Variants in PTPRD observed in about 807,000 individuals in gnomAD.
PTPRD encodes receptor-type tyrosine-protein phosphatase delta.
In PTPRD, 34 loss-of-function variants were observed where a neutral mutation model predicts 214.5. The observed-to-expected ratio is 0.16, with a 90% confidence interval of 0.12 to 0.21. PTPRD has a LOEUF of 0.21. PTPRD is among the 10% of genes least tolerant of loss of function. PTPRD has a pLI of 1.00. For missense variants in PTPRD, 2,545 were observed against 2,398.7 expected (o/e 1.06, Z -1.27); for synonymous variants, 1,128 against 845.7 (o/e 1.33, Z -5.79).
chr9:8,637,948 T>A (rs747625966), intron 12 of PTPRD, among the ~76,000 whole-genome samples: 1 of 152,108 alleles, frequency 6.6e-6, no homozygotes, highest in South Asian at 2.1e-4. Flanking sequence ...CACACAAAGA[T>A]TGAACAAAGT....
intron 11 of PTPRD, among the ~76,000 whole-genome samples, chr9:9,004,807 C>T (rs547780024): frequency 2.0e-5 from 3 of 152,104 alleles, no homozygotes; most frequent in East Asian, 3.9e-4. Flanking sequence ...AGTAAGTGTA[C>T]AGCACTGAGC....
At chr9:9,278,853 C>T (rs946571460) in intron 9 of PTPRD, among the ~76,000 whole-genome samples, 1 of 151,276 alleles carries the variant, frequency 6.6e-6, no homozygotes, top group Non-Finnish European at 1.5e-5. Flanking sequence ...CACTATTCAT[C>T]TACACATACA....
intron 10 of PTPRD, among the ~76,000 whole-genome samples, chr9:9,142,232 T>G (rs887379485): frequency 6.6e-6 from 1 of 152,204 alleles, no homozygotes; most frequent in African/African-American, 2.4e-5. Context: ...GCAGGTGTGC[T>G]GGCGCCATCT....
At chr9:9,729,734 T>G (rs2154440686) in intron 7 of PTPRD, among the ~76,000 whole-genome samples, 1 of 151,984 alleles carries the variant, frequency 6.6e-6, no homozygotes, top group South Asian at 2.1e-4. Context: ...ACCCAATCCC[T>G]ATCAAATGGT....
At chr9:8,750,999 A>G (rs950378367) in intron 11 of PTPRD, among the ~76,000 whole-genome samples, 10 of 152,170 alleles carry the variant, frequency 6.6e-5, no homozygotes, top group Non-Finnish European at 1.2e-4. Flanking sequence ...ACTTGGACAT[A>G]GCCATTAAGC....
intron 4 of PTPRD, among the ~76,000 whole-genome samples, chr9:9,947,356 ATATATAT>A (rs2092746116): frequency 2.1e-5 from 1 of 46,572 alleles, no homozygotes; most frequent in African/African-American, 1.4e-4. Context: ...AATATATATT[ATATATAT>A]TATATATATA....
At chr9:8,545,510 G>C (rs766347045) in intron 14 of PTPRD, among the ~76,000 whole-genome samples, 18 of 152,248 alleles carry the variant, frequency 1.2e-4, no homozygotes, top group East Asian at 3.9e-4. Flanking sequence ...TTGATAAAAC[G>C]TATAACATTT....
chr9:8,578,444 C>G (rs184003025), intron 14 of PTPRD, among the ~76,000 whole-genome samples: 1 of 152,088 alleles, frequency 6.6e-6, no homozygotes, highest in Non-Finnish European at 1.5e-5. Context: ...ATATTAAAAG[C>G]TGTAATACTA....
chr9:8,769,667 T>A (rs1360937060), intron 11 of PTPRD, among the ~76,000 whole-genome samples: 1 of 152,182 alleles, frequency 6.6e-6, no homozygotes, highest in Non-Finnish European at 1.5e-5. Flanking sequence ...ATGGTTCTAC[T>A]GTGAGAATAT....
chr9:8,474,140 G>C (rs2135188829), intron 30 of PTPRD, among the ~76,000 whole-genome samples: 1 of 152,068 alleles, frequency 6.6e-6, no homozygotes, highest in African/African-American at 2.4e-5. Flanking sequence ...TTCTTTCCTG[G>C]CTTCCCATCG....
intron 3 of PTPRD, among the ~76,000 whole-genome samples, chr9:10,082,706 C>T (rs1478356652): frequency 6.6e-6 from 1 of 151,502 alleles, no homozygotes; most frequent in African/African-American, 2.4e-5. Context: ...AGCTGACAAA[C>T]TAAATATGTT....
intron 3 of PTPRD, among the ~76,000 whole-genome samples, chr9:10,231,004 T>C (rs1190358266): frequency 2.0e-5 from 3 of 151,922 alleles, no homozygotes; most frequent in Non-Finnish European, 4.4e-5. Flanking sequence ...GAGGAGGACT[T>C]GGGGCTGCTA....
At chr9:9,910,104 C>T (rs537668745) in intron 5 of PTPRD, among the ~76,000 whole-genome samples, 1 of 151,894 alleles carries the variant, frequency 6.6e-6, no homozygotes, top group African/African-American at 2.4e-5. Context: ...CAAGTTTGTA[C>T]CTCAGCTTTC....
At position 9,825,497 on chromosome 9, in the gene PTPRD, G is replaced by T. The variant is rs181808922; in HGVS notation, c.-367-58646C>A. ...CGAGAGACAGAGAGAAAGACAGACA[G>T]AAACAGACAGGTAGGCAGTCAGTGC... On this transcript the variant is annotated intron_variant, in intron 5 of 45. Transcript: ENST00000381196. Among the ~76,000 whole-genome samples the T allele has an allele frequency of 1.5e-4, 23 of 151,948 alleles. No homozygotes were observed. In the East Asian group the frequency reaches 4.3e-3, roughly 28 times the overall value.
intron 11 of PTPRD, among the ~76,000 whole-genome samples, chr9:8,872,924 C>A (rs953439710): frequency 6.6e-6 from 1 of 152,170 alleles, no homozygotes. Context: ...AGAAAGCCCT[C>A]AAATATGAGT....
intron 2 of PTPRD, among the ~76,000 whole-genome samples, chr9:10,506,903 T>C (rs1275581191): frequency 6.6e-6 from 1 of 152,088 alleles, no homozygotes; most frequent in Non-Finnish European, 1.5e-5. Flanking sequence ...GTGCATTAAA[T>C]TGGGGGCATA....
intron 12 of PTPRD, among the ~76,000 whole-genome samples, chr9:8,686,761 C>G (rs963933572): frequency 6.6e-6 from 1 of 152,152 alleles, no homozygotes; most frequent in African/African-American, 2.4e-5. Flanking sequence ...CCATGAGTCA[C>G]TGAAACTACA....
intron 4 of PTPRD, among the ~76,000 whole-genome samples, chr9:10,007,483 C>T (rs1288769053): frequency 6.6e-6 from 1 of 151,858 alleles, no homozygotes; most frequent in Non-Finnish European, 1.5e-5. Flanking sequence ...TCCTTGGGGG[C>T]CAGTTAAATA....
At chr9:10,605,858 G>A (rs1387067465) in intron 2 of PTPRD, among the ~76,000 whole-genome samples, 10 of 151,650 alleles carry the variant, frequency 6.6e-5, no homozygotes, top group Admixed American at 6.6e-4. Context: ...ACATATTTGG[G>A]ACTAGATAAT....
Sources: gnomAD v4.1 joint callset for allele counts (sites outside exome capture counted in the v4.1 genomes callset) on GRCh38, gnomAD v4.1.1 for gene constraint, MANE v1.5 for transcripts, NCBI Gene and HGNC (gene_info 2026-07-23, HGNC 2026-07-21) for gene names.